Variants in CLIC5 observed in about 807,000 individuals in gnomAD.
CLIC5 encodes the protein CLIC family member 5.
Under a neutral mutation model 24.7 loss-of-function variants are expected in CLIC5, and 20 were observed. That is an observed-to-expected ratio of 0.81 (90% CI 0.57 to 1.18). The LOEUF (loss-of-function observed/expected upper bound fraction) is 1.18. Among genes scored for constraint, CLIC5 ranks in the 50% most tolerant of loss-of-function variants. CLIC5 has a pLI of 0.00. For synonymous variants in CLIC5, 159 were observed against 135.6 expected, an observed-to-expected ratio of 1.17 and a Z score of -1.20; for missense variants, 341 against 326.1, an observed-to-expected ratio of 1.05 and a Z score of -0.35.
In CLIC5 at chr6:46,080,182, C is replaced by G. The variant is rs532179003; in HGVS notation, c.61G>C (p.Val21Leu). The G allele has an allele frequency of 1.4e-5, 22 of 1,551,646 alleles. No homozygotes were observed. In the South Asian group the frequency reaches 2.3e-4, roughly 16 times the overall value. ...TCATTTTCTTCTGGCTGGTCTGGAACCTCATACGTCCTCTCATTTTGGATT... is the reference window on the plus strand; with the variant it reads ...TCATTTTCTTCTGGCTGGTCTGGAAGCTCATACGTCCTCTCATTTTGGATT... The change falls in exon 1 of 6, where the codon GTT becomes CTT. Residue 21 changes from valine (V) to leucine (L), a missense_variant. Transcript: ENST00000185206.
At chr6:46,117,366 C>T in the CLIC5 span, among the ~76,000 whole-genome samples, 1 of 152,162 alleles carries the variant, frequency 6.6e-6, no homozygotes, top group Admixed American at 6.5e-5. Context: ...GGGCTTGGGA[C>T]ATTTTTAACA....
chr6:46,126,593 C>T, the CLIC5 span, among the ~76,000 whole-genome samples: 1 of 152,000 alleles, frequency 6.6e-6, no homozygotes, highest in East Asian at 1.9e-4. Flanking sequence ...AAGTTTTCAC[C>T]AAAGGAACTT....
intron 1 of CLIC5, among the ~76,000 whole-genome samples, chr6:46,071,720 G>T (rs1762602869): frequency 6.6e-6 from 1 of 152,078 alleles, no homozygotes; most frequent in African/African-American, 2.4e-5. Context: ...CTTCTACCCA[G>T]CAATCTCATT....
rs573003221 is a variant in CLIC5, at chr6:45,929,873, C to T, written c.406+11674G>A. Among the ~76,000 whole-genome samples, 24 of 152,294 alleles carry T rather than the reference C, an allele frequency of 1.6e-4. No homozygotes were observed. In the South Asian group the frequency reaches 2.5e-3, roughly 16 times the overall value. On this transcript the variant is annotated intron_variant, in intron 4 of 5. Coordinates refer to ENST00000339561, the MANE Select transcript of CLIC5 (RefSeq NM_016929.5). The stretch of plus-strand genomic sequence containing the variant: ...TCACATTCCTGCTGCTTTTTACACA[C>T]GGCCTTAGCTTTCTCATCAGGCCTG...
intron 2 of CLIC5, among the ~76,000 whole-genome samples, chr6:45,954,834 GT>G (rs1764589908): frequency 6.6e-6 from 1 of 152,208 alleles, no homozygotes; most frequent in South Asian, 2.1e-4. Flanking sequence ...CTAATCCTAT[GT>G]TTTTAGATGT....
intron 1 of CLIC5, among the ~76,000 whole-genome samples, chr6:45,965,588 A>G (rs1764990704): frequency 6.6e-6 from 1 of 152,198 alleles, no homozygotes; most frequent in Admixed American, 6.5e-5. Flanking sequence ...GAATTCTTCC[A>G]CCTCAGAAAT....
At chr6:46,078,196 C>A (rs1006328936) in intron 1 of CLIC5, among the ~76,000 whole-genome samples, 1 of 152,016 alleles carries the variant, frequency 6.6e-6, no homozygotes, top group Non-Finnish European at 1.5e-5. Context: ...CCCATCTCTA[C>A]TAAAAATTCA....
intron 5 of CLIC5, chr6:45,911,787 G>A: frequency 1.0e-6 from 1 of 985,446 alleles, no homozygotes; most frequent in Non-Finnish European, 1.2e-6. Flanking sequence ...AAGGATCCCA[G>A]TGAGCAAGGA....
intron 1 of CLIC5, among the ~76,000 whole-genome samples, chr6:46,042,305 T>C (rs1479474164): frequency 6.6e-6 from 1 of 152,204 alleles, no homozygotes; most frequent in Non-Finnish European, 1.5e-5. Context: ...ATCTTTGAAA[T>C]AGAAAATGGC....
chr6:46,090,119 G>A, the CLIC5 span, among the ~76,000 whole-genome samples: 2 of 152,224 alleles, frequency 1.3e-5, no homozygotes, highest in African/African-American at 2.4e-5. Flanking sequence ...TAAAAAAGTA[G>A]GTCTGTAGAG....
At chr6:45,959,204 T>A (rs1046241434) in intron 1 of CLIC5, among the ~76,000 whole-genome samples, 2 of 152,164 alleles carry the variant, frequency 1.3e-5, no homozygotes, top group African/African-American at 4.8e-5. Context: ...AACTTTTTAG[T>A]CTTAGAACTC....
intron 1 of CLIC5, among the ~76,000 whole-genome samples, chr6:45,999,367 T>C (rs1766265616): frequency 6.6e-6 from 1 of 152,222 alleles, no homozygotes; most frequent in Non-Finnish European, 1.5e-5. Context: ...ATTTGCTGGG[T>C]ATATGGTGTG....
At chr6:45,930,374 GA>G (rs1337537175) in intron 4 of CLIC5, among the ~76,000 whole-genome samples, 2 of 152,190 alleles carry the variant, frequency 1.3e-5, no homozygotes, top group African/African-American at 4.8e-5. Flanking sequence ...TTGTCATTGG[GA>G]GGGGCAGCCA....
intron 1 of CLIC5, among the ~76,000 whole-genome samples, chr6:46,013,747 T>C (rs898166227): frequency 6.6e-6 from 1 of 152,232 alleles, no homozygotes; most frequent in African/African-American, 2.4e-5. Flanking sequence ...AAAGGGCTCC[T>C]TTGGTTCTAA....
chr6:45,957,941 T>C (rs1298927029), intron 1 of CLIC5, among the ~76,000 whole-genome samples: 1 of 60,082 alleles, frequency 1.7e-5, no homozygotes, highest in Non-Finnish European at 4.3e-5. Context: ...GTGTACTTTG[T>C]TCCAGAGAGA....
At chr6:45,897,243 A>G (rs1345591872), downstream of CLIC5, among the ~76,000 whole-genome samples, 2 of 152,202 alleles carry the variant, frequency 1.3e-5, no homozygotes, top group Admixed American at 6.5e-5. Context: ...CTTAACAACA[A>G]GGGGATATTT....
intron 1 of CLIC5, among the ~76,000 whole-genome samples, chr6:46,036,885 T>C (rs190092658): frequency 6.6e-6 from 1 of 152,294 alleles, no homozygotes; most frequent in Admixed American, 6.5e-5. Context: ...CACTCCAAAT[T>C]CTCTATCTCC....
intron 1 of CLIC5, among the ~76,000 whole-genome samples, chr6:45,985,087 A>C (rs1164996765): frequency 6.6e-6 from 1 of 152,176 alleles, no homozygotes; most frequent in Non-Finnish European, 1.5e-5. Context: ...TGCTGGAGGG[A>C]GGGCCTGGAA....
intron 4 of CLIC5, among the ~76,000 whole-genome samples, chr6:45,925,550 C>A (rs543031709): frequency 3.9e-5 from 6 of 152,270 alleles, no homozygotes; most frequent in African/African-American, 1.4e-4. Context: ...CTCCTGACCT[C>A]GTGATCCGCC....
Sources: gnomAD v4.1 joint callset for allele counts (sites outside exome capture counted in the v4.1 genomes callset) on GRCh38, gnomAD v4.1.1 for gene constraint, MANE v1.5 for transcripts, NCBI Gene and HGNC (gene_info 2026-07-23, HGNC 2026-07-21) for gene names.